LHX8: variants seen among roughly 807,000 people sequenced by gnomAD.
LHX8 encodes the protein LIM/homeobox protein Lhx8.
A neutral mutation model predicts 40.3 loss-of-function variants in LHX8; 12 were observed. That is an observed-to-expected ratio of 0.30 (90% confidence interval 0.19 to 0.48). The LOEUF (loss-of-function observed/expected upper bound fraction) is 0.48. Among genes scored for constraint, LHX8 ranks in the 20% least tolerant of loss-of-function variants. The pLI, the probability that LHX8 is intolerant of heterozygous loss-of-function variation, is 0.99. For missense variants in LHX8, 344 were observed against 433.7 expected (o/e 0.79, Z 1.84); for synonymous variants, 179 against 162.0 (o/e 1.10, Z -0.80).
chr1:75,189,357 T>A, the LHX8 span, among the ~76,000 whole-genome samples: 1 of 152,224 alleles, frequency 6.6e-6, no homozygotes, highest in Non-Finnish European at 1.5e-5. Context: ...AAAATTTGGA[T>A]GCAGGTTACT....
At chr1:75,170,773 GGT>G in the LHX8 span, among the ~76,000 whole-genome samples, 2 of 152,094 alleles carry the variant, frequency 1.3e-5, no homozygotes, top group Non-Finnish European at 2.9e-5. Context: ...TGCAGCAGAT[GGT>G]CAGAGATCAC....
At chr1:75,193,110 C>G in the LHX8 span, among the ~76,000 whole-genome samples, 1 of 152,210 alleles carries the variant, frequency 6.6e-6, no homozygotes, top group African/African-American at 2.4e-5. Flanking sequence ...TATCTGGATA[C>G]TCCCTGCAGG....
chr1:75,138,643 T>C (rs900521026), intron 3 of LHX8, among the ~76,000 whole-genome samples: 5 of 152,192 alleles, frequency 3.3e-5, no homozygotes, highest in African/African-American at 1.2e-4. Context: ...TCTCAATAAT[T>C]ACCGTAATCT....
intron 7 of LHX8, among the ~76,000 whole-genome samples, chr1:75,155,553 T>C (rs1648742073): frequency 6.6e-6 from 1 of 152,120 alleles, no homozygotes. Context: ...ACACTCTCTA[T>C]GGTCAAGTTT....
chr1:75,153,532 C>T (rs1166616623), intron 7 of LHX8, among the ~76,000 whole-genome samples: 1 of 152,098 alleles, frequency 6.6e-6, no homozygotes, highest in Admixed American at 6.6e-5. Flanking sequence ...CCTCCTCAGC[C>T]TCTCGAGCAG....
chr1:75,166,211 C>G (rs967810351), downstream of LHX8, among the ~76,000 whole-genome samples: 1 of 152,204 alleles, frequency 6.6e-6, no homozygotes, highest in Admixed American at 6.5e-5. Context: ...AGCATCTATG[C>G]TGCTAATGAG....
chr1:75,151,861 C>T (rs974988974), intron 7 of LHX8, among the ~76,000 whole-genome samples: 4 of 152,184 alleles, frequency 2.6e-5, no homozygotes, highest in Non-Finnish European at 5.9e-5. Flanking sequence ...AGACATCTGT[C>T]ATGTAATTTC....
At chr1:75,191,439 C>T in the LHX8 span, among the ~76,000 whole-genome samples, 569 of 152,228 alleles carry the variant, frequency 3.7e-3, 4 homozygotes, top group African/African-American at 0.013. Context: ...AAGGGAAACA[C>T]GGTTGGAGCA....
the LHX8 span, among the ~76,000 whole-genome samples, chr1:75,186,663 C>T: frequency 6.6e-6 from 1 of 152,214 alleles, no homozygotes; most frequent in African/African-American, 2.4e-5. Flanking sequence ...ATTAATGACA[C>T]AGGAGAGGAT....
At chr1:75,195,878 C>A in the LHX8 span, among the ~76,000 whole-genome samples, 4 of 152,106 alleles carry the variant, frequency 2.6e-5, no homozygotes, top group Non-Finnish European at 4.4e-5. Flanking sequence ...CTTCTGAAGA[C>A]AACTCAAATC....
chr1:75,129,347 C>T (rs1647903445), intron 1 of LHX8, among the ~76,000 whole-genome samples: 1 of 152,124 alleles, frequency 6.6e-6, no homozygotes, highest in Non-Finnish European at 1.5e-5. Flanking sequence ...GAAAACCTTG[C>T]CACAGTTACA....
At chr1:75,143,996 A>C in intron 6 of LHX8, 48 bp downstream of exon 6, 1 of 1,483,298 alleles carries the variant, frequency 6.7e-7, no homozygotes, top group Non-Finnish European at 9.4e-7. Context: ...TCCCAACCAA[A>C]AAAACAAAAA....
At chr1:75,190,321 A>T in the LHX8 span, among the ~76,000 whole-genome samples, 1 of 152,166 alleles carries the variant, frequency 6.6e-6, no homozygotes, top group Non-Finnish European at 1.5e-5. Context: ...ATTCAGAATC[A>T]TGCAGAGTAT....
chr1:75,141,154 G>A, intron 4 of LHX8, 48 bp downstream of exon 4: 1 of 1,593,500 alleles, frequency 6.3e-7, no homozygotes, highest in South Asian at 1.1e-5. Flanking sequence ...AAATTATTAT[G>A]CAAAGAGACT....
downstream of LHX8, chr1:75,161,681 A>C (rs1314948749): frequency 2.0e-5 from 3 of 151,660 alleles, no homozygotes; most frequent in Non-Finnish European, 4.4e-5. Flanking sequence ...AAAAAAAAAA[A>C]CACAGTAAAA....
At chr1:75,191,355 C>A in the LHX8 span, among the ~76,000 whole-genome samples, 1 of 152,164 alleles carries the variant, frequency 6.6e-6, no homozygotes, top group Non-Finnish European at 1.5e-5. Flanking sequence ...GGCCTTGCCT[C>A]TGCACCCCAC....
intron 1 of LHX8, among the ~76,000 whole-genome samples, chr1:75,135,940 A>G (rs2100329131): frequency 6.6e-6 from 1 of 152,286 alleles, no homozygotes; most frequent in South Asian, 2.1e-4. Flanking sequence ...TAATTGCTGT[A>G]AGTTTACGAA....
chr1:75,183,806 GCC>G, the LHX8 span, among the ~76,000 whole-genome samples: 2 of 152,150 alleles, frequency 1.3e-5, no homozygotes, highest in Admixed American at 1.3e-4. Context: ...TGGGCTAAAT[GCC>G]CCCACTTAAA....
chr1:75,194,943 T>C, the LHX8 span, among the ~76,000 whole-genome samples: 2 of 152,190 alleles, frequency 1.3e-5, no homozygotes, highest in African/African-American at 4.8e-5. Flanking sequence ...GTTGAGAGAT[T>C]GCCGGGTTCA....
Sources: gnomAD v4.1 joint callset for allele counts (sites outside exome capture counted in the v4.1 genomes callset) on GRCh38, gnomAD v4.1.1 for gene constraint, MANE v1.5 for transcripts, NCBI Gene and HGNC (gene_info 2026-07-23, HGNC 2026-07-21) for gene names.